KIRREL3: variants seen among roughly 807,000 people sequenced by gnomAD.
KIRREL3 encodes the protein kirre like nephrin family adhesion molecule 3, also known as kin of IRRE-like protein 3.
In KIRREL3, 36 loss-of-function variants were observed where a neutral mutation model predicts 89.7. The ratio of observed to expected loss-of-function variants is 0.40; its 90% CI spans 0.31 to 0.53. The LOEUF (loss-of-function observed/expected upper bound fraction) is 0.53, where lower values mean the gene tolerates loss of function less well. Among genes scored for constraint, KIRREL3 ranks in the 20% least tolerant of loss-of-function variants. The probability of loss-of-function intolerance (pLI) is 0.49; values close to 1 mark genes in which losing one functional copy is unlikely to be tolerated. For missense variants in KIRREL3, 864 were observed against 1,056.6 expected (o/e 0.82, Z 2.53); for synonymous variants, 445 against 441.4 (o/e 1.01, Z -0.10).
chr11:126,678,738 T>A (rs1272188761), intron 1 of KIRREL3, among the ~76,000 whole-genome samples: 1 of 151,808 alleles, frequency 6.6e-6, no homozygotes, highest in Non-Finnish European at 1.5e-5. Flanking sequence ...GGACCCTATG[T>A]CCACTGCCCA....
rs184599317 is a variant in KIRREL3, at chr11:126,994,342, A to T, written c.55+6113T>A. ...GTTATTTCCAAGGAGAAGAAGGATG[A>T]CTTCCTCTTTCCACCCTTCATGCCC... On this transcript the variant is annotated intron_variant, in intron 1 of 16. Transcript: ENST00000525144. The surrounding 1 kb of genome is among the most constrained non-coding windows in gnomAD (Gnocchi z 5.2). 6.6e-6 allele frequency among the ~76,000 whole-genome samples: 1 copy of T among 152,258 alleles called. No individual in the cohort carries two copies. The highest frequency in any genetic ancestry group is 1.9e-4 in the East Asian group (1 of 5,188).
chr11:126,927,392 T>C (rs1947766673), intron 1 of KIRREL3, among the ~76,000 whole-genome samples: 1 of 152,266 alleles, frequency 6.6e-6, no homozygotes, highest in East Asian at 1.9e-4. Context: ...CAGTTATATA[T>C]ACACCATTCT....
chr11:126,793,425 C>T (rs1950708374), intron 1 of KIRREL3, among the ~76,000 whole-genome samples: 1 of 152,164 alleles, frequency 6.6e-6, no homozygotes, highest in East Asian at 1.9e-4. Context: ...GATGTGCATG[C>T]TCAGCTAGAG....
Position 126,778,285 on chromosome 11 carries a change from A to G in KIRREL3, c.56-215373T>C, listed in dbSNP as rs1457197626. 6.6e-6 allele frequency among the ~76,000 whole-genome samples: 1 copy of G among 152,138 alleles called. No individual in the cohort carries two copies. The highest frequency in any genetic ancestry group is 1.9e-4 in the East Asian group (1 of 5,176). On this transcript the variant is annotated intron_variant, in intron 1 of 16. Coordinates refer to ENST00000525144, the MANE Select transcript of KIRREL3 (RefSeq NM_032531.4). The surrounding 1 kb of genome is among the most constrained non-coding windows in gnomAD (Gnocchi z 4.5). ...GCTTCTTCACTTAAAAATATTTTGG[A>G]AACTAGTGCAAGAGGAGGCCAGGGG... is the stretch of plus-strand genomic sequence containing the variant.
At chr11:126,799,383 C>CATCTCT (rs1950942454) in intron 1 of KIRREL3, among the ~76,000 whole-genome samples, 3 of 6,064 alleles carry the variant, frequency 4.9e-4, no homozygotes, top group East Asian at 0.01. Context: ...TGTGTGCATG[C>CATCTCT]GTGTATCTGT....
intron 1 of KIRREL3, among the ~76,000 whole-genome samples, chr11:126,746,338 G>A (rs1439156843): frequency 6.6e-6 from 1 of 152,150 alleles, no homozygotes; most frequent in Non-Finnish European, 1.5e-5. Context: ...TATTGTGCAA[G>A]GTGTCATGGA....
At chr11:126,866,507 T>G (rs919325614) in intron 1 of KIRREL3, among the ~76,000 whole-genome samples, 4 of 152,022 alleles carry the variant, frequency 2.6e-5, no homozygotes, top group African/African-American at 4.8e-5. Context: ...GGCCGGGAAG[T>G]GCAGGAAGAA....
Position 126,516,286 on chromosome 11 carries a change from G to T in KIRREL3, c.433+5029C>A, listed in dbSNP as rs781697151. ...AAGACAGCAGAGTTAATATTAGAACGGGCCAGGAAGAAGAGGGAAATGAGG... is the reference window on the plus strand; with the variant it reads ...AAGACAGCAGAGTTAATATTAGAACTGGCCAGGAAGAAGAGGGAAATGAGG... On this transcript the variant is annotated intron_variant, in intron 4 of 16. Transcript: ENST00000525144. The surrounding 1 kb of genome is among the most constrained non-coding windows in gnomAD (Gnocchi z 4.9). 2.6e-5 allele frequency among the ~76,000 whole-genome samples: 4 copies of T among 152,198 alleles called. No individual in the cohort carries two copies. The South Asian group carries it at 8.3e-4, about 32-fold the overall frequency.
At chr11:126,567,482 C>G (rs1940598966) in intron 1 of KIRREL3, among the ~76,000 whole-genome samples, 1 of 152,214 alleles carries the variant, frequency 6.6e-6, no homozygotes, top group Non-Finnish European at 1.5e-5. Flanking sequence ...TACTTTGTAA[C>G]AGCAGCCCTA....
upstream of KIRREL3, among the ~76,000 whole-genome samples, chr11:127,002,257 C>T (rs1243128982): frequency 6.8e-6 from 1 of 146,832 alleles, no homozygotes; most frequent in African/African-American, 2.5e-5. Context: ...GTTGACTTTT[C>T]TATTCTTAAC....
chr11:126,630,959 C>A lies in KIRREL3; in HGVS notation c.56-68047G>T, dbSNP rs1200447645. Among the ~76,000 whole-genome samples the A allele has an allele frequency of 2.0e-5, 3 of 152,272 alleles. No individual in the cohort carries two copies. The East Asian group carries it at 5.8e-4, about 29-fold the overall frequency. On this transcript the variant is annotated intron_variant, in intron 1 of 16. Transcript: ENST00000525144. ...CTCCTGACCAACTAGGAGACAGAGGCCCTTTCTCCTTGACACGTCCTGCCT... is the reference window on the plus strand; with the variant it reads ...CTCCTGACCAACTAGGAGACAGAGGACCTTTCTCCTTGACACGTCCTGCCT...
In KIRREL3 at chr11:126,458,741, G is replaced by A. The variant is rs192131478; in HGVS notation, c.743-2287C>T. ...GGTGCGGTCAGCCTGCCTGCCTTTC[G>A]TGGGGAATTACAAGGGAAGTGCCCT... On this transcript the variant is annotated intron_variant, in intron 6 of 16. Transcript: ENST00000525144. Among the ~76,000 whole-genome samples the A allele has an allele frequency of 7.9e-5, 12 of 152,314 alleles. No homozygotes were observed. The East Asian group carries it at 9.6e-4, about 12-fold the overall frequency.
chr11:126,745,867 G>A (rs4937182), intron 1 of KIRREL3, among the ~76,000 whole-genome samples: 21 of 152,264 alleles, frequency 1.4e-4, no homozygotes, highest in Non-Finnish European at 2.8e-4. Context: ...GCTTGGTGTT[G>A]GGCGTTTATC....
In KIRREL3 at chr11:126,428,416, G is replaced by A. The variant is rs1025246655; in HGVS notation, c.1806+763C>T. On this transcript the variant is annotated intron_variant, in intron 15 of 16. Coordinates refer to ENST00000525144, the MANE Select transcript of KIRREL3 (RefSeq NM_032531.4). The surrounding 1 kb of genome is among the most constrained non-coding windows in gnomAD (Gnocchi z 6.4). Reference sequence around the variant, plus strand: ...CTTGATGTGCCTGGAGAAGTGATGAGTTGACTGGCAATCCAGTCCCCAAGG... The same window carrying A: ...CTTGATGTGCCTGGAGAAGTGATGAATTGACTGGCAATCCAGTCCCCAAGG... Among the ~76,000 whole-genome samples the A allele has an allele frequency of 6.6e-6, 1 of 152,144 alleles. No homozygotes were observed. Among genetic ancestry groups the A allele is most frequent in the Non-Finnish European group, 1.5e-5 (1 of 68,030 alleles).
At position 126,473,299 on chromosome 11, in the gene KIRREL3, C is replaced by A; in HGVS notation, c.591+10G>T. ...CCGTCCACACCCACCCCCTCCCCTC[C>A]AGGCCTCACCTTGGAGTAGGTGGCC... On this transcript the variant is annotated intron_variant, in intron 5 of 16. Coordinates refer to ENST00000525144, the MANE Select transcript of KIRREL3 (RefSeq NM_032531.4). 6.9e-7 allele frequency: 1 copy of A among 1,446,368 alleles called. No individual in the cohort carries two copies. The highest frequency in any genetic ancestry group is 1.3e-5 in the South Asian group (1 of 75,030). The allele number at this position is 1,446,368 out of a possible 1,614,324, so 89.6% of individuals were successfully genotyped here.
chr11:126,564,427 G>T lies in KIRREL3; in HGVS notation c.56-1515C>A, dbSNP rs1007942313. ...TGGCAGGAGGTGGCAGAACGCCACGGCCCAGGGAGGTCCCTGGCTTTGATC... is the reference window on the plus strand; with the variant it reads ...TGGCAGGAGGTGGCAGAACGCCACGTCCCAGGGAGGTCCCTGGCTTTGATC... On this transcript the variant is annotated intron_variant, in intron 1 of 16. Transcript: ENST00000525144. The surrounding 1 kb of genome is among the most constrained non-coding windows in gnomAD (Gnocchi z 7.4). Among the ~76,000 whole-genome samples, 9 of 152,112 alleles carry T rather than the reference G, an allele frequency of 5.9e-5. No individual in the cohort carries two copies. Among genetic ancestry groups the T allele is most frequent in the Non-Finnish European group, 1.3e-4 (9 of 68,022 alleles).
In KIRREL3 at chr11:126,729,163, G is replaced by C. The variant is rs1331663038; in HGVS notation, c.56-166251C>G. Among the ~76,000 whole-genome samples, 1 of 152,212 alleles carries C rather than the reference G, an allele frequency of 6.6e-6. No individual in the cohort carries two copies. Among genetic ancestry groups the C allele is most frequent in the Admixed American group, 6.5e-5 (1 of 15,286 alleles). Reference sequence around the variant, plus strand: ...CAGACTGAGTCCTGTGGAATGTGTGGTTGGAGCAAAAAGATGAAGAGTGAG... The same window carrying C: ...CAGACTGAGTCCTGTGGAATGTGTGCTTGGAGCAAAAAGATGAAGAGTGAG... On this transcript the variant is annotated intron_variant, in intron 1 of 16. Transcript: ENST00000525144. The surrounding 1 kb of genome is among the most constrained non-coding windows in gnomAD (Gnocchi z 4.5).
rs1306816678 is a variant in KIRREL3 at position 126,909,000 on chromosome 11, T to C, written c.55+91455A>G. On this transcript the variant is annotated intron_variant, in intron 1 of 16. Transcript: ENST00000525144. This position sits in a 1 kb window ranked among gnomAD's most constrained non-coding sequence, Gnocchi z 4.2. ...ACAGTTACTTAAATTTGTTATATTA[T>C]TTAAAGTTGTTATGTTAAATTTGTG... Among the ~76,000 whole-genome samples the C allele has an allele frequency of 6.6e-6, 1 of 152,206 alleles. No homozygotes were observed. The highest frequency in any genetic ancestry group is 1.5e-5 in the Non-Finnish European group (1 of 68,030).
chr11:126,507,834 G>A (rs950664153), intron 4 of KIRREL3, among the ~76,000 whole-genome samples: 22 of 152,226 alleles, frequency 1.4e-4, no homozygotes, highest in African/African-American at 5.1e-4. Context: ...GGAAGTCCCG[G>A]GGGACCCTGG....
Sources: allele counts gnomAD v4.1 joint callset (sites outside exome capture counted in the v4.1 genomes callset), GRCh38; gene constraint gnomAD v4.1.1; non-coding constraint Gnocchi (gnomAD v3.1); transcripts MANE v1.5; gene names NCBI Gene and HGNC (gene_info 2026-07-23, HGNC 2026-07-21).